KIF1A: variants seen among roughly 807,000 people sequenced by gnomAD.
KIF1A encodes kinesin-like protein KIF1A.
Under a neutral mutation model 227.3 loss-of-function variants are expected in KIF1A, and 46 were observed. The ratio of observed to expected loss-of-function variants is 0.20; its 90% CI spans 0.16 to 0.26. The LOEUF (loss-of-function observed/expected upper bound fraction) is 0.26, where lower values mean the gene tolerates loss of function less well. Ranked by LOEUF, KIF1A falls within the 10% of genes least tolerant of loss-of-function variation. The pLI is 1.00. For missense variants in KIF1A, 1,683 were observed against 2,485.9 expected (o/e 0.68, Z 6.87); for synonymous variants, 1,022 against 1,012.8 (o/e 1.01, Z -0.17).
Position 240,726,923 on chromosome 2 carries a change from T to A in KIF1A, c.4025A>T (p.Glu1342Val), listed in dbSNP as rs1465561800. 6 of 1,606,216 alleles carry A rather than the reference T, an allele frequency of 3.7e-6. No homozygotes were observed. Among genetic ancestry groups the A allele is most frequent in the Admixed American group, 1.7e-5 (1 of 59,586 alleles). The change falls in exon 39 of 49, where the codon GAG becomes GTG. Residue 1342 changes from glutamate (E) to valine (V), a missense_variant. Glu to Val is a moderately radical substitution (Grantham distance 121). Transcript: ENST00000498729. This position sits in a 1 kb window ranked among gnomAD's most constrained non-coding sequence, Gnocchi z 5.2. ...GTGCATGGAGCTGTCCCACGCAGCC[T>A]CAAATTGGTAAAAGGTCCTGAAAGG... is the stretch of plus-strand genomic sequence containing the variant. ...AQDDRTFYQF[E>V]AAWDSSMHNS...
At chr2:240,812,878 C>CGGGGATCCGCCTTCACCTT (rs1559549883) in intron 1 of KIF1A, among the ~76,000 whole-genome samples, 27 of 148,106 alleles carry the variant, frequency 1.8e-4, no homozygotes, top group South Asian at 8.7e-4. Flanking sequence ...AGCCTTCACT[C>CGGGGATCCGCCTTCACCTT]GGGGATCCGC....
chr2:240,734,816 C>A, intron 38 of KIF1A: 1 of 1,184,878 alleles, frequency 8.4e-7, no homozygotes, highest in Non-Finnish European at 1.1e-6. Context: ...GGGGGACAGG[C>A]AGAGGGAAGC....
At chr2:240,768,987 G>C in intron 17 of KIF1A, 146 bp downstream of exon 17, 1 of 702,154 alleles carries the variant, frequency 1.4e-6, no homozygotes, top group Non-Finnish European at 2.6e-6. Flanking sequence ...GTGTGACTAT[G>C]GGTGAGCTTC....
At chr2:240,760,373 G>A (rs559590962) in intron 25 of KIF1A, among the ~76,000 whole-genome samples, 6 of 152,336 alleles carry the variant, frequency 3.9e-5, no homozygotes, top group African/African-American at 1.2e-4. Flanking sequence ...CCACTGCACC[G>A]TCCTGACCCC....
rs1454271542 is a variant in KIF1A at position 240,766,749 on chromosome 2, T to TCTCTCTCTCTCTCTCTCA, written c.1684+165_1684+166insTGAGAGAGAGAGAGAGAG. Among the ~76,000 whole-genome samples, 1 of 108,974 alleles carries TCTCTCTCTCTCTCTCTCA rather than the reference T, an allele frequency of 9.2e-6. No homozygotes were observed. Among genetic ancestry groups the TCTCTCTCTCTCTCTCTCA allele is most frequent in the Non-Finnish European group, 1.8e-5 (1 of 56,762 alleles). 71.5% of individuals were successfully genotyped at this position (108,974 alleles called of 152,430 possible). A position where few individuals can be genotyped will look rare whatever the true frequency, so the allele number is the denominator to read the frequency against. ...CTCTCTCTCTCTCTCTCTCTCTCTC[T>TCTCTCTCTCTCTCTCTCA]CACACACACACACACACACACACAC... On this transcript the variant is annotated intron_variant, in intron 19 of 48. Coordinates refer to ENST00000498729, the MANE Select transcript of KIF1A (RefSeq NM_001244008.2). This position sits in a 1 kb window ranked among gnomAD's most constrained non-coding sequence, Gnocchi z 5.0.
chr2:240,740,355 C>G lies in KIF1A; in HGVS notation c.3759G>C (p.Pro1253=), dbSNP rs777751073. The change falls in exon 36 of 49, where the codon CCG becomes CCC. Residue 1253 remains proline (P), a synonymous_variant. Coordinates refer to ENST00000498729, the MANE Select transcript of KIF1A (RefSeq NM_001244008.2). The surrounding 1 kb of genome is among the most constrained non-coding windows in gnomAD (Gnocchi z 6.1). ...TGCCCCCACGGTGGTCCACCACGGC[C>G]GGGATGTAACTGGAAGAGAGAGACA... ...CELEANGDYI[P]AVVDHRGGMP... 6.2e-7 allele frequency: 1 copy of G among 1,613,430 alleles called. No homozygotes were observed. Among genetic ancestry groups the G allele is most frequent in the Admixed American group, 1.7e-5 (1 of 59,974 alleles).
At chr2:240,820,534 C>T (rs866392622), upstream of KIF1A, among the ~76,000 whole-genome samples, 15 of 151,970 alleles carry the variant, frequency 9.9e-5, no homozygotes, top group Middle Eastern at 0.021. This position sits in a 1 kb window ranked among gnomAD's most constrained non-coding sequence, Gnocchi z 6.2. Context: ...GGCGGCGCCC[C>T]GTCCCGAAGC....
At position 240,746,180 on chromosome 2, in the gene KIF1A, G is replaced by GATCA; in HGVS notation, c.3064-7_3064-4dup. On this transcript the variant is annotated splice_polypyrimidine_tract_variant and splice_region_variant and intron_variant, in intron 29 of 48. Transcript: ENST00000498729. ...ACGGGGCAAGACTCGGACTGGAACT[G>GATCA]ATCAGAGGGGGACCAGAGTCAGAGA... The GATCA allele has an allele frequency of 6.4e-7, 1 of 1,559,226 alleles. No homozygotes were observed. The highest frequency in any genetic ancestry group is 8.7e-7 in the Non-Finnish European group (1 of 1,152,162).
At chr2:240,780,769 T>TA (rs2053563710) in intron 10 of KIF1A, among the ~76,000 whole-genome samples, 3 of 107,554 alleles carry the variant, frequency 2.8e-5, no homozygotes, top group African/African-American at 8.1e-5. Context: ...CCCACACAGC[T>TA]CCACACACAC....
chr2:240,797,889 AC>A, intron 1 of KIF1A, 77 bp from the exon 2 acceptor site: 2 of 618,140 alleles, frequency 3.2e-6, no homozygotes, highest in East Asian at 5.5e-5. Context: ...AGCTGAAGCC[AC>A]AGGTCTTTTC....
intron 1 of KIF1A, among the ~76,000 whole-genome samples, chr2:240,808,881 C>A (rs1312368810): frequency 3.3e-5 from 5 of 152,028 alleles, no homozygotes; most frequent in Non-Finnish European, 7.4e-5. Flanking sequence ...CAGGCGCCCA[C>A]CACCACGCCC....
rs762189841 is a variant in KIF1A, at chr2:240,745,725, A to G, written c.3374+13T>C. The G allele has an allele frequency of 3.7e-6, 6 of 1,610,074 alleles. No homozygotes were observed. Among genetic ancestry groups the G allele is most frequent in the Non-Finnish European group, 4.2e-6 (5 of 1,178,506 alleles). On this transcript the variant is annotated intron_variant, in intron 31 of 48. Transcript: ENST00000498729. ...CTGCGCAGCGCAGGGACACAAAGGC[A>G]GCAGGGCCTCACTTGAACTGGCAGA...
chr2:240,801,697 C>T (rs948075434), intron 1 of KIF1A, among the ~76,000 whole-genome samples: 1 of 152,182 alleles, frequency 6.6e-6, no homozygotes, highest in Admixed American at 6.5e-5. Context: ...CAAATGGGAT[C>T]ATGCCCTTAT....
At chr2:240,746,314 C>T (rs555056455) in intron 29 of KIF1A, 137 bp from the exon 30 acceptor site, 2 of 985,914 alleles carry the variant, frequency 2.0e-6, no homozygotes, top group Admixed American at 2.9e-5. Context: ...ACGCACCAGA[C>T]CTGTGCCTGC....
chr2:240,756,197 A>G (rs10169260), intron 27 of KIF1A, among the ~76,000 whole-genome samples: 41,609 of 152,080 alleles, frequency 0.27, 5,987 homozygotes, highest in East Asian at 0.56. Flanking sequence ...AGCTGTCAGC[A>G]CTGCTGCTCC....
In KIF1A at chr2:240,742,989, G is replaced by A. The variant is rs779286188; in HGVS notation, c.3585-5C>T. The stretch of plus-strand genomic sequence containing the variant: ...CGGCGCGAGGGCCTCAGGGGGCTGT[G>A]GAGAAAGGACCAGTGTGAGGTGTTT... On this transcript the variant is annotated splice_region_variant and splice_polypyrimidine_tract_variant and intron_variant, in intron 33 of 48. Coordinates refer to ENST00000498729, the MANE Select transcript of KIF1A (RefSeq NM_001244008.2). 6.2e-7 allele frequency: 1 copy of A among 1,607,672 alleles called. No individual in the cohort carries two copies. The highest frequency in any genetic ancestry group is 1.7e-5 in the Admixed American group (1 of 59,586).
In KIF1A at chr2:240,763,266, G is replaced by A; in HGVS notation, c.1849C>T (p.Pro617Ser). The change falls in exon 21 of 49, where the codon CCT (proline) becomes TCT (serine). Residue 617 changes from proline to serine, a missense_variant. Around this residue, in one of 12 missense-constraint regions of KIF1A, gnomAD observed 217 missense variants for 427.0 expected, o/e 0.51. Coordinates refer to ENST00000498729, the MANE Select transcript of KIF1A (RefSeq NM_001244008.2). Reference sequence around the variant, plus strand: ...GGCTCAGCTGGCGTCTCCGCACAAGGCGTGCGCTCACGCTCCTGCCGGGCC... The same window carrying A: ...GGCTCAGCTGGCGTCTCCGCACAAGACGTGCGCTCACGCTCCTGCCGGGCC... ...EQARQERERT[P>S]CAETPAEPVD... is the part of the protein sequence containing the mutation. The A allele has an allele frequency of 1.9e-6, 3 of 1,611,946 alleles. No individual in the cohort carries two copies. The highest frequency in any genetic ancestry group is 2.5e-6 in the Non-Finnish European group (3 of 1,179,312).
chr2:240,719,303 C>T lies in KIF1A; in HGVS notation c.5022-105G>A. 6.2e-6 allele frequency: 8 copies of T among 1,286,032 alleles called. No individual in the cohort carries two copies. In the South Asian group the frequency reaches 1.2e-4, roughly 20 times the overall value. 79.7% of individuals were successfully genotyped at this position (1,286,032 alleles called of 1,614,324 possible). ...AGCTGGGACGCAGCAGTGCCAACCACCTCCCCAGCCAGAAAGTGGGTCGAG... is the reference window on the plus strand; with the variant it reads ...AGCTGGGACGCAGCAGTGCCAACCATCTCCCCAGCCAGAAAGTGGGTCGAG... On this transcript the variant is annotated intron_variant, in intron 46 of 48. Transcript: ENST00000498729.
intron 37 of KIF1A, among the ~76,000 whole-genome samples, chr2:240,737,853 C>T (rs959090365): frequency 6.6e-6 from 1 of 152,176 alleles, no homozygotes; most frequent in Non-Finnish European, 1.5e-5. Context: ...TTCTTTGTTG[C>T]GCCAGGAAGG....
Sources: gnomAD v4.1 joint callset for allele counts (sites outside exome capture counted in the v4.1 genomes callset) on GRCh38, gnomAD v4.1.1 for gene constraint, gnomAD v4.1.1 regional missense constraint, Gnocchi (gnomAD v3.1) non-coding constraint, MANE v1.5 for transcripts, NCBI Gene and HGNC (gene_info 2026-07-23, HGNC 2026-07-21) for gene names.